The following PDE2A variants were observed in gnomAD, a reference collection of about 807,000 sequenced individuals.
PDE2A encodes phosphodiesterase 2A.
In PDE2A, 53 loss-of-function variants were observed where a neutral mutation model predicts 133.6. The ratio of observed to expected loss-of-function variants is 0.40; its 90% CI spans 0.32 to 0.50. The LOEUF (loss-of-function observed/expected upper bound fraction) is 0.50. PDE2A is among the 20% of genes least tolerant of loss of function. PDE2A has a pLI of 0.73. For missense variants in PDE2A, 796 were observed against 1,232.4 expected (o/e 0.65, Z 5.30); for synonymous variants, 491 against 490.2 (o/e 1.00, Z -0.02).
chr11:72,619,192 C>T (rs551380182), intron 2 of PDE2A, among the ~76,000 whole-genome samples: 8 of 152,290 alleles, frequency 5.3e-5, no homozygotes, highest in East Asian at 3.9e-4. Flanking sequence ...ACCAGACCCT[C>T]GGACCCTCTA....
intron 1 of PDE2A, among the ~76,000 whole-genome samples, chr11:72,665,350 G>A (rs962022537): frequency 2.6e-5 from 4 of 151,968 alleles, no homozygotes; most frequent in Non-Finnish European, 4.4e-5. Flanking sequence ...GAGCCGCCTC[G>A]GACTTGCCCA....
Position 72,580,480 on chromosome 11 carries a change from G to A in PDE2A, c.2181+97C>T, listed in dbSNP as rs973185734. 14 of 919,614 alleles carry A rather than the reference G, an allele frequency of 1.5e-5. No individual in the cohort carries two copies. The African/African-American group carries it at 2.0e-4, about 13-fold the overall frequency. 57.0% of individuals were successfully genotyped at this position (919,614 alleles called of 1,614,324 possible). ...GGCTGCAGCTCTCGCAGCCTGTCTG[G>A]AGAGCATGGTTTGGGAATAGGAGGA... On this transcript the variant is annotated intron_variant, in intron 25 of 30. Transcript: ENST00000334456.
chr11:72,651,284 G>A (rs1854735180), intron 1 of PDE2A, among the ~76,000 whole-genome samples: 2 of 152,144 alleles, frequency 1.3e-5, no homozygotes, highest in African/African-American at 4.8e-5. Flanking sequence ...TGGTTTCTAT[G>A]CCCCTGAGAG....
In PDE2A at chr11:72,591,309, C is replaced by A; in HGVS notation, c.537G>T (p.Ala179=). Residue 179 remains alanine (A), a synonymous_variant, in exon 7 of 31, where the codon GCG becomes GCT. Coordinates refer to ENST00000334456, the MANE Select transcript of PDE2A (RefSeq NM_002599.5). ...CACTCCCACTCACATGCTTCTCCAC[C>A]GCCTGCAGGCTCCATTCCTCATTAT... ...LSDNEEWSLQ[A]VEKHTLVALR... is the part of the protein sequence containing the mutation. 6.2e-7 allele frequency: 1 copy of A among 1,613,702 alleles called. No individual in the cohort carries two copies. Among genetic ancestry groups the A allele is most frequent in the Non-Finnish European group, 8.5e-7 (1 of 1,179,620 alleles).
At chr11:72,617,954 G>A (rs940970929) in intron 2 of PDE2A, among the ~76,000 whole-genome samples, 4 of 152,142 alleles carry the variant, frequency 2.6e-5, no homozygotes, top group Non-Finnish European at 2.9e-5. Context: ...TCTGGGGCAC[G>A]CCTGCCCTCC....
chr11:72,590,492 G>A lies in PDE2A; in HGVS notation c.638C>T (p.Thr213Met). Residue 213 changes from threonine (T) to methionine (M), a missense_variant, in exon 8 of 31, where the codon ACG becomes ATG. Physicochemically the swap from Thr to Met is moderately conservative, Grantham distance 81. Transcript: ENST00000334456. This position sits in a 1 kb window ranked among gnomAD's most constrained non-coding sequence, Gnocchi z 4.8. ...PRAVQNPPEG[T>M]AEDQKGGAAY... is the part of the protein sequence containing the mutation. ...CGCCCCGCCCTTCTGGTCTTCCGCC[G>A]TCCCCTCCGGGGGGTTCTGGACGGC... The A allele has an allele frequency of 1.3e-6, 2 of 1,520,298 alleles. No homozygotes were observed. Among genetic ancestry groups the A allele is most frequent in the Non-Finnish European group, 1.8e-6 (2 of 1,138,372 alleles). The allele number at this position is 1,520,298 out of a possible 1,614,324, so 94.2% of individuals were successfully genotyped here.
rs949600037 is a variant in PDE2A, at chr11:72,596,744, AAG to A, written c.434-98_434-97del. 6.9e-5 allele frequency: 47 copies of A among 685,796 alleles called. No homozygotes were observed. The African/African-American group carries it at 7.8e-4, about 11-fold the overall frequency. 42.5% of individuals were successfully genotyped at this position (685,796 alleles called of 1,614,324 possible). On this transcript the variant is annotated intron_variant, in intron 5 of 30. Transcript: ENST00000334456. ...GGTGGGGGAGACAAAGATGCAGACA[AAG>A]AGAGGCCAGGACAGAGACACACAGA... is the stretch of plus-strand genomic sequence containing the variant.
rs374641595 is a variant in PDE2A at position 72,579,626 on chromosome 11, A to G, written c.2182-18T>C. The stretch of plus-strand genomic sequence containing the variant: ...TGGTGCCTCTGGGGGGAGAGGAGTG[A>G]TGGGGGCCCAGCTGGGGCAGATGGG... On this transcript the variant is annotated intron_variant, in intron 25 of 30. Coordinates refer to ENST00000334456, the MANE Select transcript of PDE2A (RefSeq NM_002599.5). The G allele has an allele frequency of 1.9e-6, 3 of 1,587,532 alleles. No homozygotes were observed. The South Asian group carries it at 3.3e-5, about 18-fold the overall frequency.
chr11:72,619,378 A>C (rs552530694), intron 2 of PDE2A, among the ~76,000 whole-genome samples: 4 of 152,180 alleles, frequency 2.6e-5, no homozygotes, highest in Admixed American at 6.5e-5. Context: ...TTAATGGTCC[A>C]TAGTGGCGAG....
At chr11:72,582,044 T>G in intron 21 of PDE2A, 97 bp from the exon 22 acceptor site, 2 of 925,104 alleles carry the variant, frequency 2.2e-6, no homozygotes, top group Non-Finnish European at 3.5e-6. Context: ...AAATCTGGAG[T>G]CTTAGAAACT....
chr11:72,608,901 C>T lies in PDE2A; in HGVS notation c.145-150G>A, dbSNP rs1371561492. The T allele has an allele frequency of 6.4e-6, 4 of 625,586 alleles. No individual in the cohort carries two copies. In the East Asian group the frequency reaches 8.3e-5, roughly 13 times the overall value. 38.8% of individuals were successfully genotyped at this position (625,586 alleles called of 1,614,324 possible). A position where few individuals can be genotyped will look rare whatever the true frequency, so the allele number is the denominator to read the frequency against. ...TCCCAGGATCTTAGGATCTCAAAAT[C>T]AAACAGTCTTAAGGCCACAGAATGT... On this transcript the variant is annotated intron_variant, in intron 2 of 30. Coordinates refer to ENST00000334456, the MANE Select transcript of PDE2A (RefSeq NM_002599.5).
intron 2 of PDE2A, among the ~76,000 whole-genome samples, chr11:72,616,449 G>A (rs1214911355): frequency 1.3e-5 from 2 of 152,212 alleles, no homozygotes; most frequent in African/African-American, 4.8e-5. Flanking sequence ...CAGGTCTCCA[G>A]CATTACCCAG....
intron 2 of PDE2A, among the ~76,000 whole-genome samples, chr11:72,639,120 G>A (rs1465736255): frequency 1.3e-5 from 2 of 152,174 alleles, no homozygotes; most frequent in Admixed American, 1.3e-4. Context: ...CACCTGCTGG[G>A]AGGCAGCCCA....
At chr11:72,673,619 A>T (rs1000123112) in intron 1 of PDE2A, among the ~76,000 whole-genome samples, 1 of 151,878 alleles carries the variant, frequency 6.6e-6, no homozygotes, top group Admixed American at 6.6e-5. Context: ...CCAATTCCCA[A>T]TTCCATGGAA....
At chr11:72,669,055 C>T (rs1378960952) in intron 1 of PDE2A, 1 of 669,050 alleles carries the variant, frequency 1.5e-6, no homozygotes, top group East Asian at 1.3e-4. Flanking sequence ...TCTGCACTTC[C>T]AGATTCTTCA....
chr11:72,612,275 CCACACA>C (rs55775130), intron 2 of PDE2A, among the ~76,000 whole-genome samples: 5,132 of 124,182 alleles, frequency 0.041, 148 homozygotes, highest in East Asian at 0.092. Context: ...CACATCACAT[CCACACA>C]CACACACACA....
chr11:72,640,981 C>T lies in PDE2A; in HGVS notation c.144+1273G>A, dbSNP rs373764545. On this transcript the variant is annotated intron_variant, in intron 2 of 30. Transcript: ENST00000334456. ...CCACTCTCGATGACACATTCATACA[C>T]GGCACAACACACATGATTACACACA... 5.3e-5 allele frequency among the ~76,000 whole-genome samples: 8 copies of T among 152,148 alleles called. No homozygotes were observed. In the East Asian group the frequency reaches 9.6e-4, roughly 18 times the overall value.
In PDE2A at chr11:72,650,876, TACACACACACACACACACACACACACAC is replaced by T. The variant is rs58905066; in HGVS notation, c.72-8578_72-8551del. The stretch of plus-strand genomic sequence containing the variant: ...CCTGACCCCTGACCCCAGTCCCCAC[TACACACACACACACACACACACACACAC>T]ACACACACACACACACACACACATA... On this transcript the variant is annotated intron_variant, in intron 1 of 30. Transcript: ENST00000334456. Among the ~76,000 whole-genome samples, 73 of 130,386 alleles carry T rather than the reference TACACACACACACACACACACACACACAC, an allele frequency of 5.6e-4. No homozygotes were observed. In the South Asian group the frequency reaches 0.012, roughly 22 times the overall value. 85.5% of individuals were successfully genotyped at this position (130,386 alleles called of 152,430 possible). A position where few individuals can be genotyped will look rare whatever the true frequency, so the allele number is the denominator to read the frequency against.
intron 1 of PDE2A, among the ~76,000 whole-genome samples, chr11:72,655,204 C>T (rs1194896623): frequency 3.3e-5 from 5 of 152,316 alleles, no homozygotes; most frequent in South Asian, 2.1e-4. Flanking sequence ...CGACCCGTGG[C>T]GCCACACTCC....
Sources: allele counts gnomAD v4.1 joint callset (sites outside exome capture counted in the v4.1 genomes callset), GRCh38; gene constraint gnomAD v4.1.1; non-coding constraint Gnocchi (gnomAD v3.1); transcripts MANE v1.5; gene names NCBI Gene and HGNC (gene_info 2026-07-23, HGNC 2026-07-21).